LCOR: variants seen among roughly 807,000 people sequenced by gnomAD.
The protein encoded by LCOR is ligand dependent nuclear receptor corepressor, also known as ligand-dependent corepressor.
Under a neutral mutation model 64.4 loss-of-function variants are expected in LCOR, and 14 were observed. The observed-to-expected ratio is 0.22, with a 90% confidence interval of 0.14 to 0.34. LCOR has a LOEUF of 0.34. LCOR is among the 10% of genes least tolerant of loss of function. The probability of loss-of-function intolerance (pLI) is 1.00; values close to 1 mark genes in which losing one functional copy is unlikely to be tolerated. For missense variants in LCOR, 1,686 were observed against 1,765.3 expected, an observed-to-expected ratio of 0.96 and a Z score of 0.80; for synonymous variants, 643 against 642.5, an observed-to-expected ratio of 1.00 and a Z score of -0.01.
chr10:96,929,274 T>G (rs1847217773), intron 4 of LCOR, among the ~76,000 whole-genome samples: 1 of 152,232 alleles, frequency 6.6e-6, no homozygotes, highest in Admixed American at 6.5e-5. Flanking sequence ...ACATTGAAAA[T>G]CTGTTGTTTT....
At chr10:96,841,101 A>G (rs906643685) in intron 2 of LCOR, among the ~76,000 whole-genome samples, 6 of 152,220 alleles carry the variant, frequency 3.9e-5, no homozygotes, top group Admixed American at 1.3e-4. Context: ...TCATGATTGC[A>G]TCACTGTACT....
chr10:96,861,970 A>C (rs1182699782), intron 2 of LCOR, among the ~76,000 whole-genome samples: 1 of 152,182 alleles, frequency 6.6e-6, no homozygotes, highest in African/African-American at 2.4e-5. Flanking sequence ...GGAACTTCTT[A>C]ATGGCTGTCT....
At chr10:96,956,759 A>G (rs966612334) in intron 7 of LCOR, 1 of 985,704 alleles carries the variant, frequency 1.0e-6, no homozygotes, top group African/African-American at 1.7e-5. Flanking sequence ...AGGAGCAGTC[A>G]GGGTACATTA....
intron 7 of LCOR, chr10:96,962,794 G>A (rs1847901435): frequency 6.6e-6 from 1 of 152,054 alleles, no homozygotes; most frequent in South Asian, 2.1e-4. Flanking sequence ...TACATTTGGA[G>A]TGTTTGCATA....
chr10:96,880,371 T>G (rs986489298), intron 2 of LCOR, among the ~76,000 whole-genome samples: 7 of 152,186 alleles, frequency 4.6e-5, no homozygotes, highest in African/African-American at 1.7e-4. Context: ...CCATCTTGTT[T>G]AGGTTATCTA....
At chr10:96,865,849 G>T (rs1321155266) in intron 2 of LCOR, among the ~76,000 whole-genome samples, 1 of 148,350 alleles carries the variant, frequency 6.7e-6, no homozygotes, top group African/African-American at 2.5e-5. Context: ...ACTCCAGCCT[G>T]GGCAACAAGA....
At position 96,983,650 on chromosome 10, in the gene LCOR, G is replaced by T; in HGVS notation, c.3190G>T (p.Ala1064Ser). Residue 1064 changes from alanine (A) to serine (S), a missense_variant, in exon 8 of 8, where the codon GCA becomes TCA. Transcript: ENST00000421806. The surrounding 1 kb of genome is among the most constrained non-coding windows in gnomAD (Gnocchi z 4.5). The part of the protein sequence containing the change: ...ASKVTSEKEA[A>S]QVNPIMPKEN... ...AAAAGTGACTTCAGAAAAGGAAGCTGCACAAGTAAACCCCATAATGCCAAA... is the reference window on the plus strand; with the variant it reads ...AAAAGTGACTTCAGAAAAGGAAGCTTCACAAGTAAACCCCATAATGCCAAA... The T allele has an allele frequency of 6.2e-7, 1 of 1,614,172 alleles. No individual in the cohort carries two copies. Among genetic ancestry groups the T allele is most frequent in the South Asian group, 1.1e-5 (1 of 91,074 alleles).
At chr10:96,950,349 A>T (rs1314995601) in intron 6 of LCOR, among the ~76,000 whole-genome samples, 1 of 152,126 alleles carries the variant, frequency 6.6e-6, no homozygotes, top group Non-Finnish European at 1.5e-5. Flanking sequence ...TCTTGACAGG[A>T]GACCTCCTAC....
chr10:96,852,278 C>A (rs1323866495), intron 2 of LCOR, among the ~76,000 whole-genome samples: 2 of 151,944 alleles, frequency 1.3e-5, no homozygotes, highest in Non-Finnish European at 2.9e-5. Context: ...AGAAATTAGC[C>A]CAGTCTGGTG....
intron 2 of LCOR, among the ~76,000 whole-genome samples, chr10:96,859,501 C>T (rs1026134778): frequency 1.3e-5 from 2 of 151,912 alleles, no homozygotes; most frequent in South Asian, 2.1e-4. Flanking sequence ...TGCGAGCCAC[C>T]GCGCCCAGCC....
chr10:96,983,566 T>C lies in LCOR; in HGVS notation c.3106T>C (p.Leu1036=), dbSNP rs1246037049. 1 of 1,614,116 alleles carries C rather than the reference T, an allele frequency of 6.2e-7. No homozygotes were observed. Among genetic ancestry groups the C allele is most frequent in the South Asian group, 1.1e-5 (1 of 91,092 alleles). Residue 1036 remains leucine, a synonymous_variant, in exon 8 of 8, where the codon TTG becomes CTG. Transcript: ENST00000421806. The surrounding 1 kb of genome is among the most constrained non-coding windows in gnomAD (Gnocchi z 4.5). ...APKSVPRPKR[L]TSSTYNLRHA... ...AAAATCGGTGCCAAGGCCTAAAAGA[T>C]TGACCTCTTCAACCTACAACCTAAG...
intron 4 of LCOR, among the ~76,000 whole-genome samples, chr10:96,916,061 T>C (rs980902964): frequency 2.6e-5 from 4 of 152,134 alleles, no homozygotes; most frequent in African/African-American, 9.7e-5. Flanking sequence ...AGACGGAGTC[T>C]CGTTCTGTTG....
rs1444579749 is a variant in LCOR at position 96,958,451 on chromosome 10, C to T, written c.332+6255C>T. 7.0e-6 allele frequency: 8 copies of T among 1,136,966 alleles called. No homozygotes were observed. In the South Asian group the frequency reaches 9.2e-5, roughly 13 times the overall value. The allele number at this position is 1,136,966 out of a possible 1,614,324, so 70.4% of individuals were successfully genotyped here. A position where few individuals can be genotyped will look rare whatever the true frequency, so the allele number is the denominator to read the frequency against. On this transcript the variant is annotated intron_variant, in intron 7 of 7. Transcript: ENST00000421806. ...GCAGCAGAAGAATGGTGTGCCTACC[C>T]TTTAATGCTGCAGTTTAAGAGAACT...
At chr10:96,832,892 G>A in intron 1 of LCOR, 1 of 728,510 alleles carries the variant, frequency 1.4e-6, no homozygotes, top group Admixed American at 6.3e-5. Flanking sequence ...CACGCGCGGG[G>A]CGCGCCCCCG....
intron 7 of LCOR, among the ~76,000 whole-genome samples, chr10:96,976,580 A>T (rs545858102): frequency 1.3e-5 from 2 of 152,332 alleles, no homozygotes; most frequent in Admixed American, 1.3e-4. Flanking sequence ...ACCTTACATT[A>T]GTTAAGGGTA....
chr10:96,904,312 C>G (rs1310544421), intron 2 of LCOR, among the ~76,000 whole-genome samples: 1 of 152,168 alleles, frequency 6.6e-6, no homozygotes, highest in Non-Finnish European at 1.5e-5. Context: ...GGAATGATCA[C>G]TGAACACAAC....
chr10:96,964,899 C>G (rs1039258678), intron 7 of LCOR, among the ~76,000 whole-genome samples: 6 of 150,078 alleles, frequency 4.0e-5, no homozygotes, highest in Non-Finnish European at 7.4e-5. Flanking sequence ...ATAAAAGCAA[C>G]ATTGTCAGTC....
chr10:96,953,110 T>C (rs1052346557), intron 7 of LCOR, among the ~76,000 whole-genome samples: 1 of 152,184 alleles, frequency 6.6e-6, no homozygotes, highest in Non-Finnish European at 1.5e-5. Context: ...CTTTATTTTC[T>C]CTAAAATTCC....
intron 7 of LCOR, chr10:96,958,235 C>T (rs1847816667): frequency 1.5e-6 from 2 of 1,326,910 alleles, no homozygotes; most frequent in East Asian, 2.7e-5. Flanking sequence ...CACTAAAGGC[C>T]CATTAAAAAT....
Sources: allele counts gnomAD v4.1 joint callset (sites outside exome capture counted in the v4.1 genomes callset), GRCh38; gene constraint gnomAD v4.1.1; non-coding constraint Gnocchi (gnomAD v3.1); transcripts MANE v1.5; gene names NCBI Gene and HGNC (gene_info 2026-07-23, HGNC 2026-07-21).